Variants in PRDM16 observed in about 807,000 individuals in gnomAD.
The protein encoded by PRDM16 is PR/SET domain 16.
Under a neutral mutation model 110.6 loss-of-function variants are expected in PRDM16, and 23 were observed. The observed-to-expected ratio is 0.21, with a 90% CI of 0.15 to 0.29. The LOEUF (loss-of-function observed/expected upper bound fraction) is 0.29, where lower values mean the gene tolerates loss of function less well. PRDM16 is among the 10% of genes least tolerant of loss of function. The probability of loss-of-function intolerance (pLI) is 1.00; values close to 1 mark genes in which losing one functional copy is unlikely to be tolerated. For synonymous variants in PRDM16, 799 were observed against 781.8 expected, an observed-to-expected ratio of 1.02 and a Z score of -0.37; for missense variants, 1,615 against 1,794.3, an observed-to-expected ratio of 0.90 and a Z score of 1.81.
chr1:3,428,316 C>CGCGCT (rs1158194713), intron 14 of PRDM16, among the ~76,000 whole-genome samples: 76 of 151,882 alleles, frequency 5.0e-4, no homozygotes, highest in African/African-American at 1.6e-3. Flanking sequence ...GCAGCCCGGC[C>CGCGCT]GCACTGCAGG....
At chr1:3,078,895 G>GA (rs1329594784) in intron 1 of PRDM16, among the ~76,000 whole-genome samples, 1 of 152,260 alleles carries the variant, frequency 6.6e-6, no homozygotes, top group Non-Finnish European at 1.5e-5. Flanking sequence ...GGAACGCATT[G>GA]AAAAATGCCC....
intron 1 of PRDM16, among the ~76,000 whole-genome samples, chr1:3,072,613 C>T (rs576519953): frequency 3.3e-5 from 5 of 152,214 alleles, no homozygotes; most frequent in Admixed American, 6.5e-5. Context: ...CTTCCTTCTT[C>T]GTAGAAACAG....
chr1:3,231,207 C>T (rs1211565880), intron 2 of PRDM16, among the ~76,000 whole-genome samples: 1 of 152,226 alleles, frequency 6.6e-6, no homozygotes, highest in Non-Finnish European at 1.5e-5. Context: ...TAAAAGCCGC[C>T]CATCCTGCCA....
chr1:3,423,271 C>T (rs1415938594), intron 12 of PRDM16, among the ~76,000 whole-genome samples: 1 of 152,172 alleles, frequency 6.6e-6, no homozygotes, highest in African/African-American at 2.4e-5. Flanking sequence ...GGGAGACTCG[C>T]AGGCTCTGAG....
intron 1 of PRDM16, among the ~76,000 whole-genome samples, chr1:3,149,270 G>A (rs986674752): frequency 1.3e-5 from 2 of 152,214 alleles, no homozygotes; most frequent in African/African-American, 2.4e-5. Flanking sequence ...CAAACCCACA[G>A]CTCCTTCCTC....
chr1:3,312,028 G>T (rs904788806), intron 3 of PRDM16, among the ~76,000 whole-genome samples: 4 of 152,232 alleles, frequency 2.6e-5, no homozygotes, highest in Non-Finnish European at 5.9e-5. Context: ...GGAGTGTCCA[G>T]CCCAGGAGTG....
At chr1:3,114,398 GCGCACACACA>G (rs747845512) in intron 1 of PRDM16, among the ~76,000 whole-genome samples, 15,987 of 128,248 alleles carry the variant, frequency 0.12, 1,030 homozygotes, top group Middle Eastern at 0.28. Context: ...GCGCACGCAC[GCGCACACACA>G]CGCACACACA....
intron 1 of PRDM16, among the ~76,000 whole-genome samples, chr1:3,165,251 G>C (rs1275419685): frequency 7.1e-6 from 1 of 140,488 alleles, no homozygotes; most frequent in Non-Finnish European, 1.6e-5. Flanking sequence ...TGACTTACCT[G>C]GGCTCAGGGA....
intron 1 of PRDM16, among the ~76,000 whole-genome samples, chr1:3,104,066 G>A (rs1030883601): frequency 6.6e-6 from 1 of 152,186 alleles, no homozygotes; most frequent in Non-Finnish European, 1.5e-5. Flanking sequence ...CCTTGGCCGG[G>A]TAAAGGCATG....
intron 1 of PRDM16, among the ~76,000 whole-genome samples, chr1:3,124,864 T>C (rs1643171578): frequency 6.6e-6 from 1 of 151,948 alleles, no homozygotes; most frequent in Non-Finnish European, 1.5e-5. Flanking sequence ...CCCTCCCTGC[T>C]CCCATCCGGG....
chr1:3,151,394 A>G (rs1459666105), intron 1 of PRDM16, among the ~76,000 whole-genome samples: 1 of 152,228 alleles, frequency 6.6e-6, no homozygotes, highest in Non-Finnish European at 1.5e-5. Flanking sequence ...CTGCAAGGCG[A>G]GGGACAGGGA....
chr1:3,357,569 G>A (rs1017321772), intron 3 of PRDM16, among the ~76,000 whole-genome samples: 4 of 139,404 alleles, frequency 2.9e-5, no homozygotes, highest in East Asian at 1.9e-4. Flanking sequence ...CCCCCCACGG[G>A]CCCCCAGCCA....
rs1007813293 is a variant in PRDM16 at position 3,209,342 on chromosome 1, C to T, written c.387+22868C>T. Among the ~76,000 whole-genome samples the T allele has an allele frequency of 1.5e-4, 23 of 152,188 alleles. No individual in the cohort carries two copies. Among genetic ancestry groups the T allele is most frequent in the African/African-American group, 4.1e-4 (17 of 41,448 alleles). Reference sequence around the variant, plus strand: ...GCACTGCACGTTTGACATCGGGGCACGCAGCTCCGACGTGGCCGGTCCCGA... The same window carrying T: ...GCACTGCACGTTTGACATCGGGGCATGCAGCTCCGACGTGGCCGGTCCCGA... On this transcript the variant is annotated intron_variant, in intron 2 of 16. Coordinates refer to ENST00000270722, the MANE Select transcript of PRDM16 (RefSeq NM_022114.4). The surrounding 1 kb of genome is among the most constrained non-coding windows in gnomAD (Gnocchi z 4.6).
chr1:3,412,747 G>T lies in PRDM16; in HGVS notation c.2550G>T (p.Gln850His). Residue 850 changes from glutamine to histidine, a missense_variant, in exon 9 of 17, where the codon CAG becomes CAT. This residue lies in a region of PRDM16 where 772 missense variants were observed against 748.3 expected (regional missense o/e 1.03). Coordinates refer to ENST00000270722, the MANE Select transcript of PRDM16 (RefSeq NM_022114.4). ...TGTGCCCGGCGCGGATGCCCCAGCA[G>T]CCCCCGCTCCACTACGCCAAGCCCT... Reference protein sequence around the residue: ...PQVCPARMPQQPPLHYAKPSP... With the variant: ...PQVCPARMPQHPPLHYAKPSP... The T allele has an allele frequency of 6.7e-7, 1 of 1,503,086 alleles. No individual in the cohort carries two copies. The highest frequency in any genetic ancestry group is 1.3e-5 in the South Asian group (1 of 75,952). 93.1% of individuals were successfully genotyped at this position (1,503,086 alleles called of 1,614,324 possible).
chr1:3,235,398 T>C (rs1639515308), intron 2 of PRDM16, among the ~76,000 whole-genome samples: 1 of 152,206 alleles, frequency 6.6e-6, no homozygotes, highest in African/African-American at 2.4e-5. Flanking sequence ...CACCTGCTTT[T>C]ATGATTTACA....
At chr1:3,214,763 C>G (rs1638980610) in intron 2 of PRDM16, among the ~76,000 whole-genome samples, 2 of 152,192 alleles carry the variant, frequency 1.3e-5, no homozygotes, top group South Asian at 4.1e-4. Context: ...CTGTTGGGTG[C>G]CTGGCCCTGT....
intron 3 of PRDM16, among the ~76,000 whole-genome samples, chr1:3,330,675 A>T (rs1215845546): frequency 6.6e-6 from 1 of 152,244 alleles, no homozygotes; most frequent in Non-Finnish European, 1.5e-5. Context: ...CCCACTTGCC[A>T]GTCCAATGGC....
rs115313466 is a variant in PRDM16, at chr1:3,390,154, G to A, written c.573+4868G>A. 7.5e-3 allele frequency among the ~76,000 whole-genome samples: 1,144 copies of A among 152,298 alleles called. 20 individuals are homozygous for A. Among genetic ancestry groups the A allele is most frequent in the African/African-American group, 0.026 (1,078 of 41,546 alleles). Reference sequence around the variant, plus strand: ...AAGAGCTTGGCGATGAAGCGCCTGCGGGGGGATGCGGGAGGCAGGGAGGAG... The same window carrying A: ...AAGAGCTTGGCGATGAAGCGCCTGCAGGGGGATGCGGGAGGCAGGGAGGAG... On this transcript the variant is annotated intron_variant, in intron 4 of 16. Coordinates refer to ENST00000270722, the MANE Select transcript of PRDM16 (RefSeq NM_022114.4). This position sits in a 1 kb window ranked among gnomAD's most constrained non-coding sequence, Gnocchi z 5.0.
chr1:3,250,693 G>A (rs1194185932), intron 3 of PRDM16, among the ~76,000 whole-genome samples: 3 of 152,250 alleles, frequency 2.0e-5, no homozygotes, highest in Admixed American at 2.0e-4. Flanking sequence ...GGGCCTGAGG[G>A]TGCAGGGGGC....
Sources: allele counts gnomAD v4.1 joint callset (sites outside exome capture counted in the v4.1 genomes callset), GRCh38; gene constraint gnomAD v4.1.1; regional missense constraint gnomAD v4.1.1; non-coding constraint Gnocchi (gnomAD v3.1); transcripts MANE v1.5; gene names NCBI Gene and HGNC (gene_info 2026-07-23, HGNC 2026-07-21).